Variants in LRRC37A2 observed in about 807,000 individuals in gnomAD.
LRRC37A2 encodes leucine rich repeat containing 37 member A2, also known as leucine-rich repeat-containing protein 37A2.
Under a neutral mutation model 68.8 loss-of-function variants are expected in LRRC37A2, and 9 were observed. The observed-to-expected ratio is 0.13, with a 90% CI of 0.08 to 0.23. The LOEUF (loss-of-function observed/expected upper bound fraction) is 0.23, where lower values mean the gene tolerates loss of function less well. Ranked by LOEUF, LRRC37A2 falls within the 10% of genes least tolerant of loss-of-function variation. LRRC37A2 has a pLI of 1.00. For missense variants in LRRC37A2, 168 were observed against 950.4 expected (o/e 0.18, Z 10.82); for synonymous variants, 63 against 367.6 (o/e 0.17, Z 9.48).
At chr17:47,000,234 T>C in the LRRC37A2 span, among the ~76,000 whole-genome samples, 1 of 117,180 alleles carries the variant, frequency 8.5e-6, no homozygotes, top group Non-Finnish European at 1.8e-5. Context: ...GCTTGTTTTT[T>C]GCTTTTTTTT....
chr17:46,906,495 C>T, the LRRC37A2 span, among the ~76,000 whole-genome samples: 2 of 152,248 alleles, frequency 1.3e-5, no homozygotes, highest in East Asian at 3.8e-4. Flanking sequence ...TCATAGCTCA[C>T]TGCAGCCTTC....
the LRRC37A2 span, among the ~76,000 whole-genome samples, chr17:47,015,638 A>G: frequency 6.6e-6 from 1 of 152,312 alleles, no homozygotes; most frequent in Admixed American, 6.5e-5. Flanking sequence ...AACAGTCATT[A>G]TTTACTATTT....
the LRRC37A2 span, among the ~76,000 whole-genome samples, chr17:46,610,029 C>CTTTCTT: frequency 9.7e-4 from 86 of 88,958 alleles, 2 homozygotes; most frequent in Admixed American, 6.4e-3. Flanking sequence ...TTCTTTCTTT[C>CTTTCTT]TCTCTCTCTC....
At chr17:46,568,598 T>G in the LRRC37A2 span, among the ~76,000 whole-genome samples, 2 of 81,796 alleles carry the variant, frequency 2.4e-5, no homozygotes, top group South Asian at 3.8e-4. Context: ...AGCCCAGGAG[T>G]TTGAGACCAG....
At chr17:46,866,898 A>G in the LRRC37A2 span, among the ~76,000 whole-genome samples, 3 of 152,162 alleles carry the variant, frequency 2.0e-5, no homozygotes, top group Non-Finnish European at 2.9e-5. Context: ...CTCTTAGGTG[A>G]TGAGAAAAGC....
the LRRC37A2 span, among the ~76,000 whole-genome samples, chr17:46,735,354 C>T: frequency 1.3e-5 from 2 of 151,776 alleles, no homozygotes; most frequent in Non-Finnish European, 2.9e-5. Flanking sequence ...TGTGGCATTA[C>T]ATTAGCTTTT....
chr17:46,964,183 G>A, the LRRC37A2 span: 1 of 152,160 alleles, frequency 6.6e-6, no homozygotes, highest in African/African-American at 2.4e-5. Flanking sequence ...GACCATCTTA[G>A]TCCCTACCTC....
chr17:46,496,257 CCCCTTTA>C, the LRRC37A2 span, among the ~76,000 whole-genome samples: 1 of 134,072 alleles, frequency 7.5e-6, no homozygotes, highest in Non-Finnish European at 1.6e-5. Context: ...GATTATTTGA[CCCCTTTA>C]TCATTCTGAA....
At chr17:46,937,013 A>C in the LRRC37A2 span, 1 of 170,122 alleles carries the variant, frequency 5.9e-6, no homozygotes, top group Non-Finnish European at 1.2e-5. Flanking sequence ...TGCCATGCAT[A>C]TAAGTTGCAG....
At chr17:46,866,530 G>A in the LRRC37A2 span, among the ~76,000 whole-genome samples, 2 of 152,006 alleles carry the variant, frequency 1.3e-5, no homozygotes, top group African/African-American at 2.4e-5. Flanking sequence ...AGACTGAGAC[G>A]TTTGAGATGA....
At chr17:46,708,542 A>G in the LRRC37A2 span, among the ~76,000 whole-genome samples, 1 of 130,278 alleles carries the variant, frequency 7.7e-6, no homozygotes, top group African/African-American at 3.0e-5. Context: ...CCCAGGCTGG[A>G]GTGCAGTGGC....
the LRRC37A2 span, among the ~76,000 whole-genome samples, chr17:46,918,634 C>T: frequency 8.2e-6 from 1 of 121,804 alleles, no homozygotes; most frequent in Admixed American, 8.7e-5. Flanking sequence ...CACACACACA[C>T]ACACATACAA....
the LRRC37A2 span, chr17:47,024,568 A>G: frequency 5.1e-6 from 4 of 782,818 alleles, no homozygotes; most frequent in Non-Finnish European, 9.4e-6. Context: ...AGCAGATCCC[A>G]CCATCTTGAA....
At chr17:46,996,458 C>G in the LRRC37A2 span, among the ~76,000 whole-genome samples, 1 of 152,174 alleles carries the variant, frequency 6.6e-6, no homozygotes, top group South Asian at 2.1e-4. Context: ...GTGTCCAAGT[C>G]TGGATGAGTC....
the LRRC37A2 span, among the ~76,000 whole-genome samples, chr17:46,795,873 C>T: frequency 1.4e-4 from 21 of 152,288 alleles, no homozygotes; most frequent in African/African-American, 5.1e-4. Context: ...GTCTCTCCCT[C>T]TCTCTCTCAC....
chr17:46,534,819 C>T lies in LRRC37A2; in HGVS notation c.2907-5357C>T, dbSNP rs1240789545. On this transcript the variant is annotated intron_variant, in intron 6 of 14. Coordinates refer to ENST00000576629, the Ensembl canonical transcript of LRRC37A2. ...CTCCCGGAGGGGGCGGCTGGCCAGG[C>T]GGGGGCTGGCCCCCACCTCCCTCCC... 1.4e-4 allele frequency among the ~76,000 whole-genome samples: 21 copies of T among 147,140 alleles called. 1 individual carries two copies. The highest frequency in any genetic ancestry group is 5.1e-4 in the African/African-American group (19 of 37,294).
chr17:46,530,033 A>T (rs2053432010), intron 6 of LRRC37A2, among the ~76,000 whole-genome samples: 2 of 147,670 alleles, frequency 1.4e-5, no homozygotes, highest in Admixed American at 1.4e-4. Flanking sequence ...GTTTGGCTAC[A>T]TACTGCCTTA....
the LRRC37A2 span, among the ~76,000 whole-genome samples, chr17:46,765,639 T>C: frequency 6.6e-6 from 1 of 152,238 alleles, no homozygotes; most frequent in Non-Finnish European, 1.5e-5. Context: ...TCCCGCAGGC[T>C]CCCGTCTTGC....
the LRRC37A2 span, among the ~76,000 whole-genome samples, chr17:46,453,876 A>C: frequency 6.3e-5 from 2 of 31,810 alleles, no homozygotes; most frequent in Non-Finnish European, 1.1e-4. Context: ...TGCTCATTTG[A>C]GATCCTAAAA....
Sources: allele counts gnomAD v4.1 joint callset (sites outside exome capture counted in the v4.1 genomes callset), GRCh38; gene constraint gnomAD v4.1.1; transcripts MANE v1.5; gene names NCBI Gene and HGNC (gene_info 2026-07-23, HGNC 2026-07-21).